C10orf90: variants seen among roughly 807,000 people sequenced by gnomAD.
C10orf90 encodes chromosome 10 open reading frame 90, also known as (E2-independent) E3 ubiquitin-conjugating enzyme FATS.
In C10orf90, 56 loss-of-function variants were observed where a neutral mutation model predicts 62.5. That is an observed-to-expected ratio of 0.90 (90% confidence interval 0.72 to 1.12). C10orf90 has a LOEUF of 1.12. Among genes scored for constraint, C10orf90 ranks in the 50% most tolerant of loss-of-function variants. The pLI, the probability that C10orf90 is intolerant of heterozygous loss-of-function variation, is 0.00. For synonymous variants in C10orf90, 386 were observed against 340.4 expected, an observed-to-expected ratio of 1.13 and a Z score of -1.47; for missense variants, 970 against 880.4, an observed-to-expected ratio of 1.10 and a Z score of -1.29.
chr10:126,442,817 G>GACC (rs1423412448), intron 7 of C10orf90, among the ~76,000 whole-genome samples: 1 of 150,828 alleles, frequency 6.6e-6, no homozygotes, highest in Non-Finnish European at 1.5e-5. Context: ...GACTCTCTCA[G>GACC]ACCACAGTGG....
intron 2 of C10orf90, among the ~76,000 whole-genome samples, chr10:126,561,107 G>A (rs887176712): frequency 2.6e-5 from 4 of 152,068 alleles, no homozygotes; most frequent in Non-Finnish European, 5.9e-5. Context: ...CCACCTGCTC[G>A]CAAAGAGGTG....
chr10:126,511,811 AT>A (rs1863123865), intron 3 of C10orf90, among the ~76,000 whole-genome samples: 1 of 152,108 alleles, frequency 6.6e-6, no homozygotes, highest in Non-Finnish European at 1.5e-5. Flanking sequence ...ATGTTTCTGT[AT>A]TTTCCTGTTT....
intron 2 of C10orf90, among the ~76,000 whole-genome samples, chr10:126,528,201 C>T (rs1591071545): frequency 6.6e-6 from 1 of 152,026 alleles, no homozygotes; most frequent in African/African-American, 2.4e-5. Flanking sequence ...CCATAGGCCG[C>T]GGGTCAACCA....
At position 126,628,363 on chromosome 10, in the gene C10orf90, G is replaced by A. The variant is rs200738870; in HGVS notation, c.313+18202C>T. Among the ~76,000 whole-genome samples, 6 of 152,326 alleles carry A rather than the reference G, an allele frequency of 3.9e-5. No homozygotes were observed. In the East Asian group the frequency reaches 1.2e-3, roughly 29 times the overall value. On this transcript the variant is annotated intron_variant, in intron 2 of 9. Coordinates refer to ENST00000488181, the MANE Select transcript of C10orf90 (RefSeq NM_001350921.2). ...TGGTGGAAAGGAAAAATGGGTGGGT[G>A]GATGGATGGATAGATCTATGGACGG...
rs962419613 is a variant in C10orf90 at position 126,456,508 on chromosome 10, G to A, written c.2188+2532C>T. On this transcript the variant is annotated intron_variant, in intron 7 of 9. Transcript: ENST00000488181. The surrounding 1 kb of genome is among the most constrained non-coding windows in gnomAD (Gnocchi z 4.9). ...TTAAGACTTCCATTTAAAAGAATGT[G>A]AACTTGTAAGGATATTTGTTTCGGG... 2.0e-5 allele frequency among the ~76,000 whole-genome samples: 3 copies of A among 152,146 alleles called. No individual in the cohort carries two copies. Among genetic ancestry groups the A allele is most frequent in the African/African-American group, 7.2e-5 (3 of 41,412 alleles).
At chr10:126,585,643 C>T (rs561948089) in intron 2 of C10orf90, among the ~76,000 whole-genome samples, 2 of 152,114 alleles carry the variant, frequency 1.3e-5, no homozygotes, top group East Asian at 1.9e-4. Flanking sequence ...AAGGGTAGGT[C>T]AGATTCAGCA....
At chr10:126,440,289 C>T (rs755163496) in intron 7 of C10orf90, among the ~76,000 whole-genome samples, 4 of 152,100 alleles carry the variant, frequency 2.6e-5, no homozygotes, top group Non-Finnish European at 4.4e-5. Flanking sequence ...CCCTGACAAC[C>T]TGCATGACTC....
chr10:126,555,698 A>AAATG (rs1359518024), intron 2 of C10orf90, among the ~76,000 whole-genome samples: 2 of 149,816 alleles, frequency 1.3e-5, no homozygotes, highest in Non-Finnish European at 3.0e-5. Context: ...ATAAATAAAT[A>AAATG]AATAAATAAA....
At chr10:126,572,269 C>T (rs7911283) in intron 2 of C10orf90, among the ~76,000 whole-genome samples, 5,279 of 152,236 alleles carry the variant, frequency 0.035, 306 homozygotes, top group African/African-American at 0.12. Flanking sequence ...CTGCTACACT[C>T]CTGTTACAGG....
chr10:126,632,201 A>G (rs890144026), intron 2 of C10orf90, among the ~76,000 whole-genome samples: 1 of 151,954 alleles, frequency 6.6e-6, no homozygotes, highest in African/African-American at 2.4e-5. Context: ...ATGTTGCCAC[A>G]CAACCAGTCC....
chr10:126,649,069 T>TCCC (rs1846235395), intron 1 of C10orf90, among the ~76,000 whole-genome samples: 1 of 37,914 alleles, frequency 2.6e-5, no homozygotes, highest in African/African-American at 1.1e-4. Flanking sequence ...TCTCTCTCTC[T>TCCC]CTCCCCCCCC....
At position 126,649,640 on chromosome 10, in the gene C10orf90, T is replaced by C. The variant is rs142542607; in HGVS notation, c.241-3003A>G. Among the ~76,000 whole-genome samples, 144 of 152,320 alleles carry C rather than the reference T, an allele frequency of 9.5e-4. 2 individuals are homozygous for C. In the Middle Eastern group the frequency reaches 0.031, roughly 32 times the overall value. On this transcript the variant is annotated intron_variant, in intron 1 of 9. Transcript: ENST00000488181. The stretch of plus-strand genomic sequence containing the variant: ...TGATTCATAAGCTCCTGCAGAAGCA[T>C]TCTTTTTCCTTCAGAGCACTTGCCT...
intron 4 of C10orf90, among the ~76,000 whole-genome samples, chr10:126,497,841 A>G (rs563952527): frequency 6.6e-6 from 1 of 152,324 alleles, no homozygotes; most frequent in East Asian, 1.9e-4. Flanking sequence ...ACTATTTACA[A>G]AAACAGGCAG....
chr10:126,661,835 C>T (rs1327101646), intron 1 of C10orf90, among the ~76,000 whole-genome samples: 1 of 151,962 alleles, frequency 6.6e-6, no homozygotes, highest in Admixed American at 6.6e-5. Context: ...TTTCTTGCCC[C>T]ATTATGGTGA....
intron 2 of C10orf90, among the ~76,000 whole-genome samples, chr10:126,565,176 T>A (rs1844323949): frequency 1.4e-5 from 1 of 70,104 alleles, no homozygotes; most frequent in Non-Finnish European, 2.5e-5. Flanking sequence ...TATTACATAT[T>A]ATGTAATATA....
At chr10:126,507,813 T>C (rs1235633236) in intron 3 of C10orf90, among the ~76,000 whole-genome samples, 2 of 152,190 alleles carry the variant, frequency 1.3e-5, no homozygotes, top group Non-Finnish European at 2.9e-5. Context: ...TTCCAGCCTG[T>C]AGCCCCAACA....
At chr10:126,605,239 C>A (rs1198737679) in intron 2 of C10orf90, among the ~76,000 whole-genome samples, 1 of 152,200 alleles carries the variant, frequency 6.6e-6, no homozygotes, top group Non-Finnish European at 1.5e-5. Context: ...GGGGCGTGTG[C>A]TTTGGTGCGC....
chr10:126,643,945 C>T (rs1177925790), intron 2 of C10orf90, among the ~76,000 whole-genome samples: 1 of 152,210 alleles, frequency 6.6e-6, no homozygotes, highest in Non-Finnish European at 1.5e-5. Flanking sequence ...GCTGCTTAGC[C>T]CTCCTTTTGT....
intron 2 of C10orf90, among the ~76,000 whole-genome samples, chr10:126,536,349 C>A (rs1424071414): frequency 2.6e-5 from 4 of 152,240 alleles, no homozygotes; most frequent in African/African-American, 9.6e-5. Flanking sequence ...CAGCAATTAG[C>A]TGGAGCTTGG....
Sources: gnomAD v4.1 joint callset for allele counts (sites outside exome capture counted in the v4.1 genomes callset) on GRCh38, gnomAD v4.1.1 for gene constraint, Gnocchi (gnomAD v3.1) non-coding constraint, MANE v1.5 for transcripts, NCBI Gene and HGNC (gene_info 2026-07-23, HGNC 2026-07-21) for gene names.